Variants in CALD1 observed in about 807,000 individuals in gnomAD.
The protein encoded by CALD1 is caldesmon 1.
In CALD1, 33 loss-of-function variants were observed where a neutral mutation model predicts 99.9. The ratio of observed to expected loss-of-function variants is 0.33; its 90% CI spans 0.25 to 0.44. The LOEUF (loss-of-function observed/expected upper bound fraction) is 0.44. CALD1 is among the 20% of genes least tolerant of loss of function. CALD1 has a pLI of 1.00. For missense variants in CALD1, 861 were observed against 962.1 expected (o/e 0.89, Z 1.39); for synonymous variants, 310 against 325.0 (o/e 0.95, Z 0.50).
At chr7:134,820,511 A>G (rs1798733525) in intron 1 of CALD1, among the ~76,000 whole-genome samples, 1 of 152,206 alleles carries the variant, frequency 6.6e-6, no homozygotes, top group African/African-American at 2.4e-5. Context: ...GCATTATAAG[A>G]TATACAAAAT....
At chr7:134,722,565 G>A in the CALD1 span, among the ~76,000 whole-genome samples, 4 of 152,122 alleles carry the variant, frequency 2.6e-5, no homozygotes, top group East Asian at 1.9e-4. Context: ...AGGATTACAG[G>A]AGCATGCCAC....
intron 1 of CALD1, among the ~76,000 whole-genome samples, chr7:134,755,103 C>T (rs1325267885): frequency 6.6e-6 from 1 of 152,100 alleles, no homozygotes; most frequent in Non-Finnish European, 1.5e-5. Context: ...CAGGTTCAAG[C>T]TATTCTCCTG....
At chr7:134,799,742 T>C (rs1268959113) in intron 1 of CALD1, among the ~76,000 whole-genome samples, 3 of 152,210 alleles carry the variant, frequency 2.0e-5, no homozygotes, top group African/African-American at 7.2e-5. Context: ...TGAAAAAATG[T>C]ACCGTTTGAC....
chr7:134,856,028 T>G (rs971294232), intron 2 of CALD1, among the ~76,000 whole-genome samples: 5 of 152,234 alleles, frequency 3.3e-5, no homozygotes, highest in Non-Finnish European at 5.9e-5. Context: ...TATAGGTTTT[T>G]CAGCAAGAGT....
intron 1 of CALD1, among the ~76,000 whole-genome samples, chr7:134,821,158 G>A (rs1798757291): frequency 6.6e-6 from 1 of 152,006 alleles, no homozygotes; most frequent in South Asian, 2.1e-4. Flanking sequence ...TTTAAATAGA[G>A]AAGAAAGAGA....
chr7:134,904,752 C>G (rs180858974), intron 3 of CALD1, among the ~76,000 whole-genome samples: 1 of 151,974 alleles, frequency 6.6e-6, no homozygotes, highest in Non-Finnish European at 1.5e-5. Flanking sequence ...CTCCCTGCAT[C>G]GAGCTCTGAT....
At chr7:134,893,588 A>G (rs1270633229) in intron 3 of CALD1, among the ~76,000 whole-genome samples, 8 of 152,040 alleles carry the variant, frequency 5.3e-5, no homozygotes, top group Admixed American at 4.6e-4. Context: ...GACTCATTCT[A>G]TTCCCTACAC....
chr7:134,952,795 C>A (rs569660697), intron 9 of CALD1, among the ~76,000 whole-genome samples: 2 of 152,216 alleles, frequency 1.3e-5, no homozygotes, highest in East Asian at 3.9e-4. Context: ...TGGTCTAGGT[C>A]CCAGTCATAT....
chr7:134,923,143 T>TCA (rs1388094284), intron 3 of CALD1, among the ~76,000 whole-genome samples: 25 of 152,350 alleles, frequency 1.6e-4, no homozygotes, highest in Admixed American at 4.6e-4. Flanking sequence ...CATGTTGCTG[T>TCA]CAGCTGACCT....
chr7:134,935,657 G>A (rs755360440), intron 5 of CALD1, 31 bp from the exon 6 acceptor site: 3 of 1,590,856 alleles, frequency 1.9e-6, no homozygotes, highest in African/African-American at 2.7e-5. Context: ...TCTTTTACTT[G>A]TGTGACCTTA....
At chr7:134,880,551 T>C (rs1801549577) in intron 3 of CALD1, among the ~76,000 whole-genome samples, 1 of 152,216 alleles carries the variant, frequency 6.6e-6, no homozygotes, top group Admixed American at 6.5e-5. Flanking sequence ...ACAGTACATG[T>C]ATATCTCTGC....
intron 14 of CALD1, among the ~76,000 whole-genome samples, chr7:134,967,799 G>GAA (rs919918755): frequency 1.3e-5 from 2 of 152,086 alleles, no homozygotes; most frequent in African/African-American, 4.8e-5. Context: ...ACATCAAGGA[G>GAA]AAAGACAGGA....
chr7:134,825,174 G>C (rs958351730), intron 1 of CALD1, among the ~76,000 whole-genome samples: 7 of 152,082 alleles, frequency 4.6e-5, no homozygotes, highest in Admixed American at 3.9e-4. Context: ...GATAAAGTGG[G>C]GAGAAAGGGG....
chr7:134,886,447 T>C (rs1448231375), intron 3 of CALD1, among the ~76,000 whole-genome samples: 1 of 152,190 alleles, frequency 6.6e-6, no homozygotes, highest in African/African-American at 2.4e-5. Context: ...GAATGATCTC[T>C]CTAAGAGATG....
rs558482088 is a variant in CALD1, at chr7:134,786,768, A to G, written c.-130+7019A>G. ...GTTCCAAGCAGTTAACCTTTTCAAT[A>G]TACCACATTACTTCCCCTGATAGTA... On this transcript the variant is annotated intron_variant, in intron 1 of 14. Coordinates refer to ENST00000361675, the MANE Select transcript of CALD1 (RefSeq NM_033138.4). Among the ~76,000 whole-genome samples the G allele has an allele frequency of 2.6e-5, 4 of 152,342 alleles. No homozygotes were observed. The East Asian group carries it at 7.7e-4, about 29-fold the overall frequency.
At chr7:134,714,918 G>A in the CALD1 span, among the ~76,000 whole-genome samples, 1 of 152,084 alleles carries the variant, frequency 6.6e-6, no homozygotes, top group African/African-American at 2.4e-5. Context: ...CTGGTTCTGG[G>A]CAGTTTCCTA....
chr7:134,878,879 G>A (rs1036534027), intron 3 of CALD1, among the ~76,000 whole-genome samples: 2 of 152,042 alleles, frequency 1.3e-5, no homozygotes, highest in East Asian at 3.9e-4. Flanking sequence ...GAGGTGGGAG[G>A]ATTACTTGAG....
At chr7:134,738,303 A>T in the CALD1 span, among the ~76,000 whole-genome samples, 1 of 152,196 alleles carries the variant, frequency 6.6e-6, no homozygotes, top group Non-Finnish European at 1.5e-5. Flanking sequence ...CTGTGATCTT[A>T]GTTTTGCATA....
In CALD1 at chr7:134,809,172, C is replaced by T. The variant is rs1214127044; in HGVS notation, c.-130+29423C>T. Among the ~76,000 whole-genome samples, 11 of 152,098 alleles carry T rather than the reference C, an allele frequency of 7.2e-5. No individual in the cohort carries two copies. In the South Asian group the frequency reaches 1.2e-3, roughly 17 times the overall value. ...CATGAGAGACACTGTAGTACAATAC[C>T]GGGGACACAGGTAGTATACGTACTA... On this transcript the variant is annotated intron_variant, in intron 1 of 14. Coordinates refer to ENST00000361675, the MANE Select transcript of CALD1 (RefSeq NM_033138.4).
Sources: gnomAD v4.1 joint callset for allele counts (sites outside exome capture counted in the v4.1 genomes callset) on GRCh38, gnomAD v4.1.1 for gene constraint, MANE v1.5 for transcripts, NCBI Gene and HGNC (gene_info 2026-07-23, HGNC 2026-07-21) for gene names.